Variants in KCNN3 observed in about 807,000 individuals in gnomAD.
KCNN3 encodes potassium calcium-activated channel subfamily N member 3, also known as small conductance calcium-activated potassium channel protein 3.
Under a neutral mutation model 62.9 loss-of-function variants are expected in KCNN3, and 16 were observed. The observed-to-expected ratio is 0.25, with a 90% CI of 0.17 to 0.39. The LOEUF is 0.39. Among genes scored for constraint, KCNN3 ranks in the 10% least tolerant of loss-of-function variants. The pLI is 1.00. For missense variants in KCNN3, 599 were observed against 949.4 expected, an observed-to-expected ratio of 0.63 and a Z score of 4.85; for synonymous variants, 370 against 389.2, an observed-to-expected ratio of 0.95 and a Z score of 0.58.
At chr1:154,741,148 C>T (rs1329769597) in intron 3 of KCNN3, among the ~76,000 whole-genome samples, 1 of 152,158 alleles carries the variant, frequency 6.6e-6, no homozygotes, top group African/African-American at 2.4e-5. Context: ...GGCAGGGATA[C>T]AACTTCATTT....
chr1:154,834,757 G>A (rs1001054123), intron 1 of KCNN3, among the ~76,000 whole-genome samples: 11 of 152,178 alleles, frequency 7.2e-5, no homozygotes, highest in African/African-American at 2.4e-4. Flanking sequence ...ACTGAGGCAC[G>A]GAATGATTAT....
intron 1 of KCNN3, among the ~76,000 whole-genome samples, chr1:154,851,854 C>A (rs1218554): frequency 0.16 from 24,565 of 152,216 alleles, 2,512 homozygotes; most frequent in Non-Finnish European, 0.23. Flanking sequence ...GATCTTGTCA[C>A]TTCTCTACTC....
chr1:154,848,445 C>T (rs571512747), intron 1 of KCNN3, among the ~76,000 whole-genome samples: 2 of 152,260 alleles, frequency 1.3e-5, no homozygotes, highest in African/African-American at 2.4e-5. Context: ...ATAACCCATC[C>T]TCCATGCTGT....
intron 3 of KCNN3, among the ~76,000 whole-genome samples, chr1:154,752,401 GA>G (rs1647421638): frequency 7.1e-6 from 1 of 140,482 alleles, no homozygotes; most frequent in African/African-American, 2.6e-5. Context: ...GCAGATGAAG[GA>G]AGGAAGGAGT....
intron 1 of KCNN3, among the ~76,000 whole-genome samples, chr1:154,828,064 C>T (rs1333770097): frequency 6.6e-6 from 1 of 152,120 alleles, no homozygotes; most frequent in Non-Finnish European, 1.5e-5. Context: ...GCAGCTGGAC[C>T]TCTGACCAGC....
At chr1:154,834,112 T>C (rs1651485120) in intron 1 of KCNN3, among the ~76,000 whole-genome samples, 1 of 152,242 alleles carries the variant, frequency 6.6e-6, no homozygotes, top group Non-Finnish European at 1.5e-5. Flanking sequence ...AGGCTATTAA[T>C]AGACCAAACA....
At chr1:154,804,051 C>T (rs1650061881) in intron 2 of KCNN3, among the ~76,000 whole-genome samples, 2 of 152,224 alleles carry the variant, frequency 1.3e-5, no homozygotes, top group Non-Finnish European at 2.9e-5. Context: ...TGGCATGACA[C>T]GTCCTCCTTT....
chr1:154,773,071 C>T (rs1648639969), intron 2 of KCNN3, among the ~76,000 whole-genome samples: 1 of 152,028 alleles, frequency 6.6e-6, no homozygotes, highest in Non-Finnish European at 1.5e-5. Context: ...TAGGTAAACT[C>T]GTGTTACAGA....
intron 3 of KCNN3, among the ~76,000 whole-genome samples, chr1:154,753,898 T>C (rs4845390): frequency 0.54 from 82,157 of 151,958 alleles, 22,682 homozygotes; most frequent in East Asian, 0.77. Flanking sequence ...CAGTCGCAGG[T>C]GCTTATTTAA....
chr1:154,825,831 G>A (rs545782638), intron 1 of KCNN3, among the ~76,000 whole-genome samples: 2 of 151,276 alleles, frequency 1.3e-5, no homozygotes, highest in African/African-American at 2.4e-5. Context: ...GGCAGATCAC[G>A]AGGTCAGGAG....
At position 154,718,472 on chromosome 1, in the gene KCNN3, A is replaced by C. The variant is rs1188586107; in HGVS notation, c.1702-3469T>G. Among the ~76,000 whole-genome samples, 5 of 152,388 alleles carry C rather than the reference A, an allele frequency of 3.3e-5. No homozygotes were observed. The South Asian group carries it at 1.0e-3, about 32-fold the overall frequency. ...TAAGCACATATGTCTGCACTGGTTC[A>C]TTAACCCTCAGAAAAACTTGATAAA... On this transcript the variant is annotated intron_variant, in intron 5 of 7. Coordinates refer to ENST00000271915, the MANE Select transcript of KCNN3 (RefSeq NM_002249.6).
intron 5 of KCNN3, among the ~76,000 whole-genome samples, chr1:154,716,959 C>T (rs1183342991): frequency 6.6e-6 from 1 of 152,236 alleles, no homozygotes; most frequent in African/African-American, 2.4e-5. Flanking sequence ...TTTCCCTACG[C>T]ACTTAGCCTC....
At chr1:154,807,190 G>A (rs1047767392) in intron 2 of KCNN3, among the ~76,000 whole-genome samples, 1 of 152,096 alleles carries the variant, frequency 6.6e-6, no homozygotes, top group Non-Finnish European at 1.5e-5. Context: ...GAGAGGCCGA[G>A]GACATACAGA....
Position 154,785,883 on chromosome 1 carries a change from G to A in KCNN3, c.1030-13490C>T, listed in dbSNP as rs562936292. Among the ~76,000 whole-genome samples, 12 of 152,194 alleles carry A rather than the reference G, an allele frequency of 7.9e-5. No homozygotes were observed. The South Asian group carries it at 1.7e-3, about 21-fold the overall frequency. On this transcript the variant is annotated intron_variant, in intron 2 of 7. Transcript: ENST00000271915. ...TCCAAAGTGCTGGGATTACAGGCAT[G>A]AGCCACCACACCTGGCCTCCTAAGC...
At chr1:154,758,460 C>A (rs577670333) in intron 3 of KCNN3, among the ~76,000 whole-genome samples, 1 of 152,224 alleles carries the variant, frequency 6.6e-6, no homozygotes, top group African/African-American at 2.4e-5. Context: ...CATCTGGGCC[C>A]GTTGCAGCAT....
At chr1:154,732,659 C>T (rs1162065190) in intron 4 of KCNN3, among the ~76,000 whole-genome samples, 1 of 152,224 alleles carries the variant, frequency 6.6e-6, no homozygotes, top group Non-Finnish European at 1.5e-5. Flanking sequence ...AGCTCCAGTG[C>T]TCACTGGAGG....
intron 3 of KCNN3, among the ~76,000 whole-genome samples, chr1:154,754,426 G>T (rs1010708950): frequency 6.6e-6 from 1 of 152,092 alleles, no homozygotes; most frequent in South Asian, 2.1e-4. Context: ...CCAACAGCAC[G>T]TCTCCTCTTC....
At chr1:154,867,810 CGCACAT>C in intron 1 of KCNN3, 1 of 240,918 alleles carries the variant, frequency 4.2e-6, no homozygotes, top group Non-Finnish European at 6.5e-6. Context: ...ACAAACATTA[CGCACAT>C]ACACACACAC....
Position 154,870,059 on chromosome 1 carries a change from T to TC in KCNN3, c.-96dup. The TC allele has an allele frequency of 7.2e-7, 1 of 1,391,806 alleles. No homozygotes were observed. Among genetic ancestry groups the TC allele is most frequent in the Non-Finnish European group, 1.0e-6 (1 of 1,001,464 alleles). 86.2% of individuals were successfully genotyped at this position (1,391,806 alleles called of 1,614,324 possible). On this transcript the variant is annotated 5_prime_UTR_variant, in exon 1 of 8. Transcript: ENST00000271915. ...CTCAAAGAAAGCCAGGCATCCAATCTCCCCCACCAGTATCTTGGCTCCAGT... is the reference window on the plus strand; with the variant it reads ...CTCAAAGAAAGCCAGGCATCCAATCTCCCCCCACCAGTATCTTGGCTCCAGT...
Sources: allele counts gnomAD v4.1 joint callset (sites outside exome capture counted in the v4.1 genomes callset), GRCh38; gene constraint gnomAD v4.1.1; transcripts MANE v1.5; gene names NCBI Gene and HGNC (gene_info 2026-07-23, HGNC 2026-07-21).